The following PLEKHA2 variants were observed in gnomAD, a reference collection of about 807,000 sequenced individuals.
The protein encoded by PLEKHA2 is pleckstrin homology domain-containing family A member 2.
A neutral mutation model predicts 53.2 loss-of-function variants in PLEKHA2; 28 were observed. The ratio of observed to expected loss-of-function variants is 0.53; its 90% CI spans 0.39 to 0.72. The LOEUF is 0.72. Ranked by LOEUF, PLEKHA2 falls within the 30% of genes least tolerant of loss-of-function variation. The pLI is 0.00. For missense variants in PLEKHA2, 426 were observed against 537.9 expected (o/e 0.79, Z 2.06); for synonymous variants, 193 against 196.4 (o/e 0.98, Z 0.14).
At chr8:38,948,746 T>G (rs1373518407) in intron 5 of PLEKHA2, among the ~76,000 whole-genome samples, 1 of 152,182 alleles carries the variant, frequency 6.6e-6, no homozygotes, top group Non-Finnish European at 1.5e-5. Flanking sequence ...CCTTAGCTTT[T>G]CTCTCGAAGT....
At chr8:38,903,885 C>G (rs775194524) in intron 1 of PLEKHA2, among the ~76,000 whole-genome samples, 3 of 152,148 alleles carry the variant, frequency 2.0e-5, no homozygotes, top group Non-Finnish European at 4.4e-5. Flanking sequence ...TTGCTCTGCC[C>G]CCTCTCTTTT....
Position 38,969,993 on chromosome 8 carries a change from G to A in PLEKHA2, c.*210G>A, listed in dbSNP as rs1835218137. On this transcript the variant is annotated 3_prime_UTR_variant, in exon 12 of 12. Transcript: ENST00000617275. The stretch of plus-strand genomic sequence containing the variant: ...TGTGTGTGTGTAATATCAACGCAGT[G>A]TATTTAATTTGGGGAAGTCACTAGG... 6 of 675,678 alleles carry A rather than the reference G, an allele frequency of 8.9e-6. No individual in the cohort carries two copies. In the East Asian group the frequency reaches 1.7e-4, roughly 19 times the overall value. The allele number at this position is 675,678 out of a possible 1,614,324, so 41.9% of individuals were successfully genotyped here.
intron 10 of PLEKHA2, 95 bp downstream of exon 10, chr8:38,957,481 G>A (rs1834963776): frequency 8.9e-7 from 1 of 1,119,500 alleles, no homozygotes; most frequent in Admixed American, 2.1e-5. Flanking sequence ...CTTTTCATTT[G>A]CTTGAAGTTT....
intron 6 of PLEKHA2, among the ~76,000 whole-genome samples, chr8:38,951,914 C>G (rs1274310421): frequency 6.6e-6 from 1 of 152,012 alleles, no homozygotes; most frequent in Non-Finnish European, 1.5e-5. Flanking sequence ...AATTTTAAAA[C>G]AATTTTTAAT....
At chr8:38,930,203 T>C (rs1485630934) in intron 2 of PLEKHA2, among the ~76,000 whole-genome samples, 3 of 151,858 alleles carry the variant, frequency 2.0e-5, no homozygotes, top group African/African-American at 4.8e-5. Flanking sequence ...TATTTATTTA[T>C]TTATTTATTT....
chr8:38,939,743 A>G (rs921482867), intron 3 of PLEKHA2, among the ~76,000 whole-genome samples: 1 of 152,166 alleles, frequency 6.6e-6, no homozygotes, highest in African/African-American at 2.4e-5. Context: ...CAGTTCTCCT[A>G]ATAAGCCAGA....
At chr8:38,961,361 A>G (rs1348145893) in intron 10 of PLEKHA2, among the ~76,000 whole-genome samples, 2 of 151,958 alleles carry the variant, frequency 1.3e-5, no homozygotes, top group African/African-American at 2.4e-5. Flanking sequence ...ACATAGTGAA[A>G]CCCTGTCTCT....
chr8:38,919,380 C>G (rs1834138080), intron 2 of PLEKHA2, among the ~76,000 whole-genome samples: 1 of 152,294 alleles, frequency 6.6e-6, no homozygotes, highest in African/African-American at 2.4e-5. Flanking sequence ...TATTCTGGCC[C>G]TGAGTGCTGT....
intron 4 of PLEKHA2, among the ~76,000 whole-genome samples, chr8:38,945,194 T>C (rs1372177768): frequency 6.6e-6 from 1 of 152,232 alleles, no homozygotes; most frequent in Admixed American, 6.5e-5. Context: ...GAGCAAATGC[T>C]AACAAATAGT....
chr8:38,934,376 A>AGATTCAT (rs1466724524), intron 2 of PLEKHA2, among the ~76,000 whole-genome samples: 1 of 152,024 alleles, frequency 6.6e-6, no homozygotes, highest in Non-Finnish European at 1.5e-5. Context: ...CCTTTATCCG[A>AGATTCAT]GATTCATCTC....
intron 9 of PLEKHA2, 96 bp downstream of exon 9, chr8:38,953,463 C>A: frequency 8.2e-7 from 1 of 1,220,312 alleles, no homozygotes; most frequent in Non-Finnish European, 1.2e-6. Context: ...CAAGAGTCAT[C>A]TTCTTCCAAG....
chr8:38,905,833 T>C (rs562422943), intron 1 of PLEKHA2, among the ~76,000 whole-genome samples: 17 of 152,166 alleles, frequency 1.1e-4, no homozygotes, highest in South Asian at 4.1e-4. Context: ...TACAGGCGCA[T>C]GCCACCACGC....
intron 1 of PLEKHA2, among the ~76,000 whole-genome samples, chr8:38,914,651 G>A (rs1352674813): frequency 5.9e-5 from 9 of 152,354 alleles, no homozygotes; most frequent in African/African-American, 4.8e-5. Context: ...TGAATGTCAC[G>A]TGGTGCTTTG....
intron 2 of PLEKHA2, among the ~76,000 whole-genome samples, chr8:38,931,173 G>A (rs1193725636): frequency 1.3e-5 from 2 of 152,150 alleles, no homozygotes; most frequent in Non-Finnish European, 2.9e-5. Context: ...AGCTACTCAG[G>A]AGGCTGAGGC....
intron 1 of PLEKHA2, among the ~76,000 whole-genome samples, chr8:38,902,573 TG>T (rs1474862165): frequency 6.6e-6 from 1 of 152,210 alleles, no homozygotes; most frequent in Admixed American, 6.5e-5. Context: ...TAGATGCACT[TG>T]GGGCTGAAGT....
At chr8:38,940,354 G>A (rs1253599688) in intron 3 of PLEKHA2, among the ~76,000 whole-genome samples, 10 of 152,222 alleles carry the variant, frequency 6.6e-5, no homozygotes, top group Middle Eastern at 3.4e-3. Flanking sequence ...AGCCAAGATC[G>A]TGCCATTGCA....
At chr8:38,937,193 G>A (rs1050850286) in intron 3 of PLEKHA2, among the ~76,000 whole-genome samples, 7 of 152,224 alleles carry the variant, frequency 4.6e-5, no homozygotes, top group African/African-American at 1.4e-4. Flanking sequence ...GCGTCAGGGC[G>A]GATTAAAGAG....
intron 9 of PLEKHA2, among the ~76,000 whole-genome samples, chr8:38,956,759 TAAAG>T (rs1392672722): frequency 9.9e-5 from 15 of 152,064 alleles, no homozygotes; most frequent in East Asian, 9.7e-4. Flanking sequence ...AATAAATAAA[TAAAG>T]CAGAGACTCT....
intron 3 of PLEKHA2, among the ~76,000 whole-genome samples, chr8:38,940,773 C>G (rs937404135): frequency 6.6e-6 from 1 of 151,734 alleles, no homozygotes; most frequent in Non-Finnish European, 1.5e-5. Context: ...CCTCTGTGTC[C>G]GAACTTGGGA....
Sources: allele counts gnomAD v4.1 joint callset (sites outside exome capture counted in the v4.1 genomes callset), GRCh38; gene constraint gnomAD v4.1.1; transcripts MANE v1.5; gene names NCBI Gene and HGNC (gene_info 2026-07-23, HGNC 2026-07-21).